FAAH2: variants seen among roughly 807,000 people sequenced by gnomAD.
FAAH2 encodes the protein fatty-acid amide hydrolase 2.
FAAH2 carries 60 observed loss-of-function variants against 36.9 expected under a neutral mutation model. The observed-to-expected ratio is 1.63, with a 90% CI of 1.32 to 2.02. The LOEUF (loss-of-function observed/expected upper bound fraction) is 2.02. Among genes scored for constraint, FAAH2 ranks in the 30% most tolerant of loss-of-function variants. FAAH2 has a pLI of 0.00. For missense variants in FAAH2, 689 were observed against 397.5 expected (o/e 1.73, Z -6.23); for synonymous variants, 214 against 143.8 (o/e 1.49, Z -3.49).
chrX:57,350,746 TA>T (rs1489334790), intron 5 of FAAH2, among the ~76,000 whole-genome samples: 1 of 110,602 alleles, frequency 9.0e-6, no homozygotes, highest in Non-Finnish European at 1.9e-5. Flanking sequence ...CAAAAACAAT[TA>T]AAAAGGTGAT....
At chrX:57,144,564 T>C in the FAAH2 span, among the ~76,000 whole-genome samples, 1 of 109,393 alleles carries the variant, frequency 9.1e-6, no homozygotes, top group Middle Eastern at 4.7e-3. Context: ...AGGTGGTATT[T>C]GGTTACATGA....
chrX:57,129,203 C>A, the FAAH2 span, among the ~76,000 whole-genome samples: 8 of 111,455 alleles, frequency 7.2e-5, no homozygotes, highest in African/African-American at 1.9e-4. Flanking sequence ...TTGTCCCCTC[C>A]CCACTAGATG....
intron 2 of FAAH2, among the ~76,000 whole-genome samples, chrX:57,306,917 G>GTA (rs1204844099): frequency 2.6e-5 from 2 of 75,797 alleles, no homozygotes; most frequent in Non-Finnish European, 5.2e-5. Flanking sequence ...GTACTATATA[G>GTA]TATATATAGT....
intron 5 of FAAH2, among the ~76,000 whole-genome samples, chrX:57,350,219 G>A (rs2053963115): frequency 9.0e-6 from 1 of 111,101 alleles, no homozygotes; most frequent in South Asian, 3.8e-4. Flanking sequence ...GAGGGAATTT[G>A]TCACGATTAG....
At chrX:57,397,688 G>C (rs1368997002) in intron 7 of FAAH2, among the ~76,000 whole-genome samples, 1 of 109,776 alleles carries the variant, frequency 9.1e-6, no homozygotes, top group South Asian at 3.9e-4. Flanking sequence ...ATTCTCTGTA[G>C]CTGCTTTTTT....
At chrX:57,248,051 CA>C in the FAAH2 span, among the ~76,000 whole-genome samples, 2 of 111,666 alleles carry the variant, frequency 1.8e-5, no homozygotes, top group African/African-American at 6.5e-5. Context: ...CCAAATAATC[CA>C]AATAAAGTAT....
chrX:57,181,399 T>A, the FAAH2 span, among the ~76,000 whole-genome samples: 1 of 111,782 alleles, frequency 8.9e-6, no homozygotes, highest in Non-Finnish European at 1.9e-5. Context: ...CTTTAGAATT[T>A]GAAATCAATG....
intron 5 of FAAH2, among the ~76,000 whole-genome samples, chrX:57,363,496 C>A (rs1322131027): frequency 9.0e-6 from 1 of 111,334 alleles, no homozygotes; most frequent in Non-Finnish European, 1.9e-5. Flanking sequence ...ATGTATAAGA[C>A]TATATAATCT....
the FAAH2 span, among the ~76,000 whole-genome samples, chrX:57,162,289 T>G: frequency 3.5e-4 from 39 of 111,818 alleles, no homozygotes; most frequent in African/African-American, 1.2e-3. Flanking sequence ...TGGCTGCCCT[T>G]AACATTTTTT....
At chrX:57,382,227 T>A (rs1276214642) in intron 7 of FAAH2, among the ~76,000 whole-genome samples, 1 of 111,255 alleles carries the variant, frequency 9.0e-6, no homozygotes, top group Non-Finnish European at 1.9e-5. Context: ...AAAGCAGGAA[T>A]GATCTAAAAT....
chrX:57,223,702 T>G, the FAAH2 span, among the ~76,000 whole-genome samples: 1 of 111,949 alleles, frequency 8.9e-6, no homozygotes, highest in East Asian at 2.8e-4. Context: ...CTAGTCTTTA[T>G]CTGTACTTTC....
intron 10 of FAAH2, among the ~76,000 whole-genome samples, chrX:57,460,464 C>A (rs1323569939): frequency 4.5e-5 from 5 of 111,907 alleles, no homozygotes; most frequent in Admixed American, 9.5e-5. Flanking sequence ...GATGTCTCTG[C>A]AGAAACCCTA....
At chrX:57,435,184 A>T (rs1292038940) in intron 8 of FAAH2, among the ~76,000 whole-genome samples, 7 of 111,802 alleles carry the variant, frequency 6.3e-5, no homozygotes, top group Non-Finnish European at 1.1e-4. Context: ...TTAACATATA[A>T]AACTCAATGA....
At chrX:57,458,629 G>A (rs747018568) in intron 10 of FAAH2, among the ~76,000 whole-genome samples, 1 of 112,265 alleles carries the variant, frequency 8.9e-6, no homozygotes, top group African/African-American at 3.2e-5. Flanking sequence ...TGCAATTGAG[G>A]TAACCTAATC....
chrX:57,355,732 C>T (rs768052363), intron 5 of FAAH2, among the ~76,000 whole-genome samples: 24 of 110,994 alleles, frequency 2.2e-4, no homozygotes, highest in Non-Finnish European at 4.2e-4. Flanking sequence ...ATGCAATCTG[C>T]AGAAATAACT....
intron 2 of FAAH2, among the ~76,000 whole-genome samples, chrX:57,308,639 G>T (rs1602227859): frequency 9.0e-6 from 1 of 111,523 alleles, no homozygotes; most frequent in Non-Finnish European, 1.9e-5. Flanking sequence ...TTAAAGTACT[G>T]CCCAATACCT....
At chrX:57,347,604 G>GTTT (rs61323098) in intron 5 of FAAH2, among the ~76,000 whole-genome samples, 1 of 77,898 alleles carries the variant, frequency 1.3e-5, no homozygotes, top group African/African-American at 6.5e-5. Flanking sequence ...GGGATGCTAA[G>GTTT]TTTTTTTTTT....
chrX:57,198,067 G>C, the FAAH2 span, among the ~76,000 whole-genome samples: 3 of 111,714 alleles, frequency 2.7e-5, no homozygotes, highest in Non-Finnish European at 5.6e-5. Context: ...AAAAATACAT[G>C]CTTGCCCTAA....
the FAAH2 span, among the ~76,000 whole-genome samples, chrX:57,219,863 C>CT: frequency 0.14 from 4,976 of 35,439 alleles, 919 homozygotes; most frequent in African/African-American, 0.34. Context: ...AGCGCCTTGT[C>CT]TTTTTTTTTT....
Sources: gnomAD v4.1 joint callset for allele counts (sites outside exome capture counted in the v4.1 genomes callset) on GRCh38, gnomAD v4.1.1 for gene constraint, MANE v1.5 for transcripts, NCBI Gene and HGNC (gene_info 2026-07-23, HGNC 2026-07-21) for gene names.